The following DCN variants were observed in gnomAD, a reference collection of about 807,000 sequenced individuals.
DCN encodes decorin, also known as bone proteoglycan II.
In DCN, 17 loss-of-function variants were observed where a neutral mutation model predicts 36.5. The observed-to-expected ratio is 0.47, with a 90% confidence interval of 0.32 to 0.70. DCN has a LOEUF of 0.70. DCN is among the 30% of genes least tolerant of loss of function. DCN has a pLI of 0.04. For synonymous variants in DCN, 163 were observed against 161.4 expected, an observed-to-expected ratio of 1.01 and a Z score of -0.07; for missense variants, 389 against 430.1, an observed-to-expected ratio of 0.90 and a Z score of 0.84.
chr12:91,151,330 A>G (rs1348819475), intron 7 of DCN: 6 of 210,396 alleles, frequency 2.9e-5, no homozygotes, highest in African/African-American at 4.7e-5. Context: ...AAAAAAAAGA[A>G]TTTTTATTTT....
intron 6 of DCN, among the ~76,000 whole-genome samples, chr12:91,152,001 T>C (rs3138267): frequency 1.1e-4 from 17 of 152,208 alleles, no homozygotes; most frequent in African/African-American, 3.6e-4. Flanking sequence ...GTCTTTGAGA[T>C]TCATCTGACA....
chr12:91,177,176 A>G, intron 2 of DCN: 1 of 170,630 alleles, frequency 5.9e-6, no homozygotes, highest in Non-Finnish European at 1.2e-5. Context: ...GAAAGTCTTC[A>G]TATAACATTT....
At chr12:91,175,579 A>G (rs922421575) in intron 2 of DCN, 2 of 152,130 alleles carry the variant, frequency 1.3e-5, no homozygotes, top group African/African-American at 2.4e-5. Flanking sequence ...TAAAAAGTTT[A>G]TTTGTATTAA....
rs184220156 is a variant in DCN, at chr12:91,157,026, A to G, written c.652+49T>C. 4.1e-5 allele frequency: 55 copies of G among 1,333,458 alleles called. No homozygotes were observed. In the African/African-American group the frequency reaches 7.1e-4, roughly 17 times the overall value. The allele number at this position is 1,333,458 out of a possible 1,614,324, so 82.6% of individuals were successfully genotyped here. On this transcript the variant is annotated intron_variant, in intron 5 of 7. Coordinates refer to ENST00000052754, the MANE Select transcript of DCN (RefSeq NM_001920.5). ...CACAAGATTTTTTTTTTTTAATTAA[A>G]GCCTTTGAATTTAAATTTTTCAAAA...
intron 2 of DCN, among the ~76,000 whole-genome samples, chr12:91,170,720 C>T (rs187707509): frequency 2.4e-4 from 36 of 152,240 alleles, no homozygotes; most frequent in Middle Eastern, 3.4e-3. Context: ...GAGAGATGAC[C>T]GGAATCTGTA....
At chr12:91,152,373 C>G (rs1881488515) in intron 6 of DCN, among the ~76,000 whole-genome samples, 1 of 151,412 alleles carries the variant, frequency 6.6e-6, no homozygotes, top group Non-Finnish European at 1.5e-5. Flanking sequence ...TATATAACAA[C>G]AGGAATGAGT....
intron 2 of DCN, chr12:91,172,973 G>C: frequency 2.2e-6 from 1 of 446,566 alleles, no homozygotes; most frequent in South Asian, 4.3e-5. Flanking sequence ...AGCAAATGTA[G>C]ATTACAGTAA....
intron 1 of DCN, among the ~76,000 whole-genome samples, chr12:91,182,094 T>A (rs1868426725): frequency 6.6e-6 from 1 of 152,084 alleles, no homozygotes; most frequent in Admixed American, 6.6e-5. Context: ...GTTTTTAGTA[T>A]CTTAGGCATT....
chr12:91,159,415 A>T (rs987646758), intron 3 of DCN, among the ~76,000 whole-genome samples: 3 of 147,576 alleles, frequency 2.0e-5, no homozygotes, highest in African/African-American at 7.5e-5. Context: ...AAAAGGTTAA[A>T]CTATTTTTTT....
In DCN at chr12:91,143,186, C is replaced by A. The variant is rs994783361; in HGVS notation, c.*2872G>T. On this transcript the variant is annotated 3_prime_UTR_variant, in exon 8 of 8. Transcript: ENST00000052754. The stretch of plus-strand genomic sequence containing the variant: ...AAACCTAGGAGGAGCAAGGAAAGGT[C>A]CTCTCCTAAAGGCTTTGGAAGGAAT... 31 of 152,160 alleles carry A rather than the reference C, an allele frequency of 2.0e-4. No individual in the cohort carries two copies. Among genetic ancestry groups the A allele is most frequent in the African/African-American group, 7.0e-4 (29 of 41,420 alleles). The allele number at this position is 152,160 out of a possible 1,614,324, so 9.4% of individuals were successfully genotyped here.
rs143843321 is a variant in DCN at position 91,172,423 on chromosome 12, A to G, written c.211+5919T>C. On this transcript the variant is annotated intron_variant, in intron 2 of 7. Transcript: ENST00000052754. ...TGGGCAAATGACCAAAATAATATTT[A>G]GGAGCTCCAGCCCCACCAAAAACTT... The G allele has an allele frequency of 1.2e-3, 199 of 165,156 alleles. 3 individuals are homozygous for G. Among genetic ancestry groups the G allele is most frequent in the African/African-American group, 4.6e-3 (194 of 41,810 alleles). 10.2% of individuals were successfully genotyped at this position (165,156 alleles called of 1,614,324 possible). A position where few individuals can be genotyped will look rare whatever the true frequency, so the allele number is the denominator to read the frequency against.
rs1265974347 is a variant in DCN at position 91,143,884 on chromosome 12, GTA to G, written c.*2172_*2173del. On this transcript the variant is annotated 3_prime_UTR_variant, in exon 8 of 8. Transcript: ENST00000052754. Reference sequence around the variant, plus strand: ...TATATATAAAGATATATATGTGTGTGTATATATATAAATATGGGGGGAAGTTG... The same window carrying G: ...TATATATAAAGATATATATGTGTGTGTATATATAAATATGGGGGGAAGTTG... 1 of 149,882 alleles carries G rather than the reference GTA, an allele frequency of 6.7e-6. No individual in the cohort carries two copies. The highest frequency in any genetic ancestry group is 1.5e-5 in the Non-Finnish European group (1 of 67,624). The allele number at this position is 149,882 out of a possible 1,614,324, so 9.3% of individuals were successfully genotyped here.
chr12:91,146,511 A>G (rs1187403193), intron 7 of DCN, among the ~76,000 whole-genome samples: 1 of 151,502 alleles, frequency 6.6e-6, no homozygotes, highest in East Asian at 1.9e-4. Flanking sequence ...CACACACACC[A>G]TGCCCGGCTA....
At chr12:91,152,925 C>A (rs912893003) in intron 6 of DCN, among the ~76,000 whole-genome samples, 171 bp downstream of exon 6, 1 of 151,982 alleles carries the variant, frequency 6.6e-6, no homozygotes, top group Non-Finnish European at 1.5e-5. Flanking sequence ...ATTTCATTGG[C>A]TTCTTCTCAA....
At chr12:91,166,510 C>T (rs986970341) in intron 2 of DCN, among the ~76,000 whole-genome samples, 1 of 152,164 alleles carries the variant, frequency 6.6e-6, no homozygotes, top group Non-Finnish European at 1.5e-5. Context: ...TCATTTGGAA[C>T]GTAGTTACTA....
At chr12:91,173,405 C>T (rs533103695) in intron 2 of DCN, among the ~76,000 whole-genome samples, 55 of 152,260 alleles carry the variant, frequency 3.6e-4, no homozygotes, top group African/African-American at 1.0e-3. Flanking sequence ...GGGAGACAGA[C>T]GCTCCCTTTG....
In DCN at chr12:91,146,093, C is replaced by T. The variant is rs200191955; in HGVS notation, c.1045G>A (p.Val349Met). 236 of 1,613,812 alleles carry T rather than the reference C, an allele frequency of 1.5e-4. No individual in the cohort carries two copies. Among genetic ancestry groups the T allele is most frequent in the Admixed American group, 2.2e-4 (13 of 59,988 alleles). The change falls in exon 8 of 8, where the codon GTG (valine) becomes ATG (methionine). Residue 349 changes from valine to methionine, a missense_variant. Val to Met is a conservative substitution (Grantham distance 21). Transcript: ENST00000052754. ...TTTCCGAGTTGAATGGCAGAGCGCA[C>T]GTAGACACATCTGAAGGTGGATGGC... ...IQPSTFRCVY[V>M]RSAIQLGNYK
rs1369245301 is a variant in DCN at position 91,143,662 on chromosome 12, A to T, written c.*2396T>A. On this transcript the variant is annotated 3_prime_UTR_variant, in exon 8 of 8. Coordinates refer to ENST00000052754, the MANE Select transcript of DCN (RefSeq NM_001920.5). ...AATCCATAAGACATGTACAATTAATATTCCCATTTTATGGACAAGGAAATG... is the reference window on the plus strand; with the variant it reads ...AATCCATAAGACATGTACAATTAATTTTCCCATTTTATGGACAAGGAAATG... The T allele has an allele frequency of 6.6e-6, 1 of 151,842 alleles. No individual in the cohort carries two copies. The highest frequency in any genetic ancestry group is 1.5e-5 in the Non-Finnish European group (1 of 68,006). 9.4% of individuals were successfully genotyped at this position (151,842 alleles called of 1,614,324 possible). A position where few individuals can be genotyped will look rare whatever the true frequency, so the allele number is the denominator to read the frequency against.
chr12:91,164,751 A>C (rs1882435094), intron 2 of DCN, 34 bp from the exon 3 acceptor site: 1 of 1,061,412 alleles, frequency 9.4e-7, no homozygotes, highest in Non-Finnish European at 1.5e-6. Flanking sequence ...TGCTGTGAGT[A>C]GAAAGGACAT....
Sources: allele counts gnomAD v4.1 joint callset (sites outside exome capture counted in the v4.1 genomes callset), GRCh38; gene constraint gnomAD v4.1.1; transcripts MANE v1.5; gene names NCBI Gene and HGNC (gene_info 2026-07-23, HGNC 2026-07-21).